The following ORMDL1 variants were observed in gnomAD, a reference collection of about 807,000 sequenced individuals.
ORMDL1 encodes the protein ORM1-like protein 1.
ORMDL1 carries 10 observed loss-of-function variants against 13.0 expected under a neutral mutation model. That is an observed-to-expected ratio of 0.77 (90% CI 0.47 to 1.30). The LOEUF (loss-of-function observed/expected upper bound fraction) is 1.30, where lower values mean the gene tolerates loss of function less well. ORMDL1 is among the 50% of genes most tolerant of loss of function. ORMDL1 has a pLI of 0.00. For missense variants in ORMDL1, 171 were observed against 186.7 expected (o/e 0.92, Z 0.49); for synonymous variants, 61 against 63.9 (o/e 0.95, Z 0.22).
Position 189,771,775 on chromosome 2 carries a change from T to C in ORMDL1, c.454A>G (p.Lys152Glu). The change falls in exon 5 of 5, where the codon AAG becomes GAG. Residue 152 changes from lysine (K) to glutamate (E), a missense_variant. Coordinates refer to ENST00000392349, the MANE Select transcript of ORMDL1 (RefSeq NM_016467.5). Reference protein sequence around the residue: ...LHGVRIFGINKY With the variant: ...LHGVRIFGINEY ...TTCAGTTTCAAAACATTTCAATACT[T>C]ATTAATTCCAAAGATCCGAACACCA... 2 of 1,591,658 alleles carry C rather than the reference T, an allele frequency of 1.3e-6. No individual in the cohort carries two copies. The highest frequency in any genetic ancestry group is 1.2e-5 in the South Asian group (1 of 86,328).
chr2:189,772,884 A>G (rs1002342774), intron 4 of ORMDL1, among the ~76,000 whole-genome samples: 1 of 152,218 alleles, frequency 6.6e-6, no homozygotes, highest in African/African-American at 2.4e-5. Context: ...ATACATTTTT[A>G]AAACCATCTA....
Position 189,775,590 on chromosome 2 carries a change from A to G in ORMDL1, c.301T>C (p.Phe101Leu). 6.2e-7 allele frequency: 1 copy of G among 1,601,768 alleles called. No individual in the cohort carries two copies. The highest frequency in any genetic ancestry group is 1.1e-5 in the South Asian group (1 of 88,620). Residue 101 changes from phenylalanine (F) to leucine (L), a missense_variant, in exon 4 of 5, where the codon TTT (phenylalanine) becomes CTT (leucine). Coordinates refer to ENST00000392349, the MANE Select transcript of ORMDL1 (RefSeq NM_016467.5). ...AGAATTATTGGAGAAATTGTGAAAA[A>G]CTTCCGTGAAGATGTAAACTGTACT... is the stretch of plus-strand genomic sequence containing the variant. ...YGVQFTSSRK[F>L]FTISPIILYF...
chr2:189,764,022 CAG>C, the ORMDL1 span: 2 of 152,160 alleles, frequency 1.3e-5, no homozygotes, highest in Non-Finnish European at 1.5e-5. Context: ...AACTGGGCCA[CAG>C]AGTTTGGGTG....
chr2:189,781,042 T>G (rs1369644062), intron 3 of ORMDL1, among the ~76,000 whole-genome samples: 1 of 152,104 alleles, frequency 6.6e-6, no homozygotes, highest in South Asian at 2.1e-4. Flanking sequence ...GCCTCCCGAA[T>G]AGCTGGGACT....
downstream of ORMDL1, among the ~76,000 whole-genome samples, chr2:189,768,210 A>T (rs919760746): frequency 6.6e-6 from 1 of 152,146 alleles, no homozygotes; most frequent in South Asian, 2.1e-4. Context: ...CACTACTCCA[A>T]ACCTCCTTTT....
chr2:189,783,088 C>G lies in ORMDL1; in HGVS notation c.-82G>C, dbSNP rs1287857643. The G allele has an allele frequency of 6.5e-6, 1 of 154,992 alleles. No homozygotes were observed. The highest frequency in any genetic ancestry group is 2.4e-5 in the African/African-American group (1 of 41,442). 9.6% of individuals were successfully genotyped at this position (154,992 alleles called of 1,614,324 possible). On this transcript the variant is annotated 5_prime_UTR_variant, in exon 2 of 5. Transcript: ENST00000392349. ...CATAAAGAATGGTCAGAGTTCAGAT[C>G]ACTTCTTTCTGAATACTCAATGTGG...
chr2:189,768,547 A>C (rs937514350), downstream of ORMDL1, among the ~76,000 whole-genome samples: 1 of 152,242 alleles, frequency 6.6e-6, no homozygotes, highest in African/African-American at 2.4e-5. Context: ...TCTATAGGAA[A>C]AATGTCTTAA....
At chr2:189,777,321 A>C (rs543417256) in intron 3 of ORMDL1, among the ~76,000 whole-genome samples, 1 of 152,336 alleles carries the variant, frequency 6.6e-6, no homozygotes, top group East Asian at 1.9e-4. Flanking sequence ...AAGCTCTACG[A>C]AACCATTTTC....
At chr2:189,772,527 G>C (rs1452893442) in intron 4 of ORMDL1, among the ~76,000 whole-genome samples, 1 of 152,084 alleles carries the variant, frequency 6.6e-6, no homozygotes, top group East Asian at 1.9e-4. Context: ...ATCCAACTGA[G>C]AATTTGTTTT....
downstream of ORMDL1, among the ~76,000 whole-genome samples, chr2:189,768,544 G>A (rs1479195843): frequency 6.6e-6 from 1 of 152,212 alleles, no homozygotes; most frequent in Non-Finnish European, 1.5e-5. Context: ...AGTTCTATAG[G>A]AAAAATGTCT....
chr2:189,780,352 T>C (rs1332312303), intron 3 of ORMDL1, among the ~76,000 whole-genome samples: 3 of 152,214 alleles, frequency 2.0e-5, no homozygotes, highest in Admixed American at 2.0e-4. Context: ...TGTATATTAA[T>C]TGCTTTACCA....
rs1335265461 is a variant in ORMDL1 at position 189,770,295 on chromosome 2, G to T, written c.*1472C>A. On this transcript the variant is annotated 3_prime_UTR_variant, in exon 5 of 5. Coordinates refer to ENST00000392349, the MANE Select transcript of ORMDL1 (RefSeq NM_016467.5). ...ACTTGAAAAATGTCATTTTAATTTT[G>T]ATGACTAAATTTGGAGGGCTTTTGA... 2 of 152,024 alleles carry T rather than the reference G, an allele frequency of 1.3e-5. No individual in the cohort carries two copies. The highest frequency in any genetic ancestry group is 2.9e-5 in the Non-Finnish European group (2 of 67,976). The allele number at this position is 152,024 out of a possible 1,614,324, so 9.4% of individuals were successfully genotyped here. A position where few individuals can be genotyped will look rare whatever the true frequency, so the allele number is the denominator to read the frequency against.
chr2:189,770,093 G>A (rs1451945898), downstream of ORMDL1, among the ~76,000 whole-genome samples: 1 of 152,094 alleles, frequency 6.6e-6, no homozygotes, highest in Non-Finnish European at 1.5e-5. Context: ...TATCTACTGA[G>A]TAAATATTTT....
intron 3 of ORMDL1, among the ~76,000 whole-genome samples, chr2:189,776,786 C>T (rs1452386267): frequency 3.3e-5 from 5 of 152,008 alleles, no homozygotes; most frequent in African/African-American, 7.3e-5. Context: ...TTTAACCCAT[C>T]AAACATTTAA....
intron 4 of ORMDL1, 106 bp from the exon 5 acceptor site, chr2:189,772,008 T>A: frequency 2.4e-6 from 2 of 836,872 alleles, no homozygotes; most frequent in Non-Finnish European, 3.4e-6. Flanking sequence ...CATAAATACC[T>A]AAAAATGAAA....
rs1306695993 is a variant in ORMDL1 at position 189,784,270 on chromosome 2, C to T, written c.-119G>A. The stretch of plus-strand genomic sequence containing the variant: ...TCCACCGCGTTCGTGCCCACTTACC[C>T]GCCGCCCCACTCCGGGCCGCCGGCT... On this transcript the variant is annotated splice_region_variant and 5_prime_UTR_variant, in exon 1 of 5. Transcript: ENST00000392349. The T allele has an allele frequency of 1.3e-5, 2 of 152,516 alleles. No individual in the cohort carries two copies. The highest frequency in any genetic ancestry group is 2.4e-5 in the African/African-American group (1 of 41,460). The allele number at this position is 152,516 out of a possible 1,614,324, so 9.4% of individuals were successfully genotyped here.
In ORMDL1 at chr2:189,771,869, A is replaced by G. The variant is rs1423644315; in HGVS notation, c.360T>C (p.Asp120=). 1 of 1,605,350 alleles carries G rather than the reference A, an allele frequency of 6.2e-7. No homozygotes were observed. Among genetic ancestry groups the G allele is most frequent in the Non-Finnish European group, 8.5e-7 (1 of 1,174,406 alleles). Residue 120 remains aspartate (D), a synonymous_variant, in exon 5 of 5, where the codon GAT becomes GAC. Coordinates refer to ENST00000392349, the MANE Select transcript of ORMDL1 (RefSeq NM_016467.5). ...CTGTGTTTAGGATGAAGTGAGTTGG[A>G]TCATACTTCGTATAGAAACTTGCCA... is the stretch of plus-strand genomic sequence containing the variant. ...YFLASFYTKY[D]PTHFILNTAS...
downstream of ORMDL1, among the ~76,000 whole-genome samples, chr2:189,767,781 T>C (rs1264602068): frequency 6.6e-6 from 1 of 152,224 alleles, no homozygotes; most frequent in Non-Finnish European, 1.5e-5. Context: ...GCTTGAATAA[T>C]TAGTCAAGAA....
At chr2:189,769,226 A>G (rs1193661326), downstream of ORMDL1, among the ~76,000 whole-genome samples, 1 of 152,118 alleles carries the variant, frequency 6.6e-6, no homozygotes, top group African/African-American at 2.4e-5. Flanking sequence ...CATCTCTACT[A>G]AAAATACAAA....
Sources: allele counts gnomAD v4.1 joint callset (sites outside exome capture counted in the v4.1 genomes callset), GRCh38; gene constraint gnomAD v4.1.1; transcripts MANE v1.5; gene names NCBI Gene and HGNC (gene_info 2026-07-23, HGNC 2026-07-21).